Variants in FMN2 observed in about 807,000 individuals in gnomAD.
The protein encoded by FMN2 is formin-2.
FMN2 carries 51 observed loss-of-function variants against 142.3 expected under a neutral mutation model. The observed-to-expected ratio is 0.36, with a 90% CI of 0.29 to 0.45. The LOEUF (loss-of-function observed/expected upper bound fraction) is 0.45, where lower values mean the gene tolerates loss of function less well. FMN2 is among the 20% of genes least tolerant of loss of function. The pLI is 1.00. For missense variants in FMN2, 1,936 were observed against 2,122.8 expected, an observed-to-expected ratio of 0.91 and a Z score of 1.73; for synonymous variants, 882 against 869.8, an observed-to-expected ratio of 1.01 and a Z score of -0.25.
At chr1:240,121,926 T>G (rs1662276795) in intron 1 of FMN2, among the ~76,000 whole-genome samples, 1 of 151,774 alleles carries the variant, frequency 6.6e-6, no homozygotes, top group Admixed American at 6.6e-5. Flanking sequence ...CTTCATTCTC[T>G]GTCCCCGCCA....
At chr1:240,278,191 C>T (rs1669282002) in intron 7 of FMN2, among the ~76,000 whole-genome samples, 1 of 152,162 alleles carries the variant, frequency 6.6e-6, no homozygotes, top group Non-Finnish European at 1.5e-5. Context: ...GGCTCCTGGC[C>T]TCACTGCTGC....
In FMN2 at chr1:240,092,442, T is replaced by C. The variant is rs775675110; in HGVS notation, c.333T>C (p.Ala111=). The stretch of plus-strand genomic sequence containing the variant: ...TGCAGACCGGGGAGCTGGACAGCGC[T>C]CACTCCCTGCTCACCAAGACTCCAG... The part of the protein sequence containing the change: ...QALQTGELDS[A]HSLLTKTPDL... Residue 111 remains alanine, a synonymous_variant, in exon 1 of 18, where the codon GCT becomes GCC. Coordinates refer to ENST00000319653, the MANE Select transcript of FMN2 (RefSeq NM_020066.5). 6.2e-7 allele frequency: 1 copy of C among 1,610,624 alleles called. No homozygotes were observed. Among genetic ancestry groups the C allele is most frequent in the East Asian group, 2.2e-5 (1 of 44,700 alleles).
At chr1:240,202,060 A>T (rs1666146229) in intron 4 of FMN2, among the ~76,000 whole-genome samples, 1 of 152,338 alleles carries the variant, frequency 6.6e-6, no homozygotes. Flanking sequence ...ACACGGGAAT[A>T]TGATCCTTAC....
intron 6 of FMN2, among the ~76,000 whole-genome samples, chr1:240,216,060 A>G (rs1666882781): frequency 6.6e-6 from 1 of 152,200 alleles, no homozygotes; most frequent in Non-Finnish European, 1.5e-5. Flanking sequence ...CACCAACATG[A>G]CATTTGCACA....
chr1:240,381,469 ACC>A (rs1189789575), intron 14 of FMN2, among the ~76,000 whole-genome samples: 12 of 152,168 alleles, frequency 7.9e-5, no homozygotes, highest in Non-Finnish European at 1.3e-4. Context: ...TCGCTCTGTC[ACC>A]CAGGCTGGAG....
At chr1:240,449,540 T>A (rs1475926820) in intron 16 of FMN2, among the ~76,000 whole-genome samples, 1 of 152,192 alleles carries the variant, frequency 6.6e-6, no homozygotes, top group Non-Finnish European at 1.5e-5. Flanking sequence ...AGATTAACCA[T>A]GCTGATGCTG....
chr1:240,244,008 C>T (rs188618652), intron 6 of FMN2, among the ~76,000 whole-genome samples: 2 of 152,218 alleles, frequency 1.3e-5, no homozygotes, highest in Admixed American at 6.5e-5. Flanking sequence ...ACCTTGTGCT[C>T]TAATGTCGTT....
At chr1:240,246,470 T>G (rs528845306) in intron 6 of FMN2, among the ~76,000 whole-genome samples, 2 of 152,222 alleles carry the variant, frequency 1.3e-5, no homozygotes, top group Admixed American at 1.3e-4. Flanking sequence ...AATTTGATAC[T>G]GTTTTAATCA....
At chr1:240,202,667 T>C (rs756488111) in intron 4 of FMN2, among the ~76,000 whole-genome samples, 5 of 152,112 alleles carry the variant, frequency 3.3e-5, no homozygotes, top group Admixed American at 2.0e-4. Context: ...TCTTGTTATG[T>C]TGCCCATGCT....
intron 7 of FMN2, among the ~76,000 whole-genome samples, chr1:240,269,822 T>A (rs1179499631): frequency 6.6e-6 from 1 of 151,984 alleles, no homozygotes; most frequent in African/African-American, 2.4e-5. Context: ...CTGTTTTCTT[T>A]TTTCTTTTTC....
intron 7 of FMN2, among the ~76,000 whole-genome samples, chr1:240,291,098 G>A (rs1026593193): frequency 6.6e-6 from 1 of 152,144 alleles, no homozygotes; most frequent in Admixed American, 6.5e-5. Flanking sequence ...ACAGGCGTGA[G>A]CCACCACATC....
chr1:240,368,349 A>G lies in FMN2; in HGVS notation c.4858+12441A>G, dbSNP rs188530919. Among the ~76,000 whole-genome samples the G allele has an allele frequency of 2.0e-3, 306 of 152,312 alleles. 4 individuals carry two copies. The highest frequency in any genetic ancestry group is 7.0e-3 in the African/African-American group (291 of 41,582). On this transcript the variant is annotated intron_variant, in intron 14 of 17. Coordinates refer to ENST00000319653, the MANE Select transcript of FMN2 (RefSeq NM_020066.5). ...CATCTTTATGATATCAAGGCTTTCT[A>G]TCTATGAACATGGTACAGACTAGTG...
chr1:240,213,600 T>A (rs1666775201), intron 6 of FMN2, among the ~76,000 whole-genome samples: 1 of 152,228 alleles, frequency 6.6e-6, no homozygotes, highest in Admixed American at 6.5e-5. Flanking sequence ...TTATGGGAAA[T>A]GTGCACTGAT....
At chr1:240,355,444 A>G (rs1672231741) in intron 13 of FMN2, among the ~76,000 whole-genome samples, 1 of 152,194 alleles carries the variant, frequency 6.6e-6, no homozygotes, top group African/African-American at 2.4e-5. Context: ...GCCGGGCATT[A>G]TTCTAACACT....
At chr1:240,133,198 CT>C (rs1662809182) in intron 2 of FMN2, among the ~76,000 whole-genome samples, 1 of 152,174 alleles carries the variant, frequency 6.6e-6, no homozygotes, top group African/African-American at 2.4e-5. Context: ...CAGCATCTTG[CT>C]CTGTCATCCA....
At chr1:240,424,042 G>A (rs114318256) in intron 15 of FMN2, among the ~76,000 whole-genome samples, 86 of 152,274 alleles carry the variant, frequency 5.6e-4, no homozygotes, top group African/African-American at 2.0e-3. Flanking sequence ...GGAAAGGGAG[G>A]TTGAATTAAA....
intron 6 of FMN2, among the ~76,000 whole-genome samples, chr1:240,225,700 C>T (rs927300118): frequency 1.3e-5 from 2 of 151,842 alleles, no homozygotes; most frequent in African/African-American, 4.8e-5. Context: ...GGAAAACAAA[C>T]AGGCAACAGA....
At chr1:240,112,837 C>G in intron 1 of FMN2, among the ~76,000 whole-genome samples, 1 of 152,212 alleles carries the variant, frequency 6.6e-6, no homozygotes, top group African/African-American at 2.4e-5. Context: ...CCCTGTGGTC[C>G]GGGCCCTAGG....
intron 14 of FMN2, among the ~76,000 whole-genome samples, chr1:240,382,676 A>G (rs139838031): frequency 6.6e-6 from 1 of 152,080 alleles, no homozygotes; most frequent in Non-Finnish European, 1.5e-5. Flanking sequence ...GAAAAAAAAA[A>G]TGACCATACT....
Sources: allele counts gnomAD v4.1 joint callset (sites outside exome capture counted in the v4.1 genomes callset), GRCh38; gene constraint gnomAD v4.1.1; transcripts MANE v1.5; gene names NCBI Gene and HGNC (gene_info 2026-07-23, HGNC 2026-07-21).